DOCK8: variants seen among roughly 807,000 people sequenced by gnomAD.
The protein encoded by DOCK8 is dedicator of cytokinesis 8.
Under a neutral mutation model 245.6 loss-of-function variants are expected in DOCK8, and 141 were observed. That is an observed-to-expected ratio of 0.57 (90% CI 0.50 to 0.66). The LOEUF (loss-of-function observed/expected upper bound fraction) is 0.66, where lower values mean the gene tolerates loss of function less well. DOCK8 is among the 30% of genes least tolerant of loss of function. The pLI, the probability that DOCK8 is intolerant of heterozygous loss-of-function variation, is 0.00. For missense variants in DOCK8, 2,965 were observed against 2,603.4 expected, an observed-to-expected ratio of 1.14 and a Z score of -3.02; for synonymous variants, 1,168 against 970.2, an observed-to-expected ratio of 1.20 and a Z score of -3.79.
At position 442,300 on chromosome 9, in the gene DOCK8, A is replaced by G. The variant is rs75484008; in HGVS notation, c.5490+291A>G. Among the ~76,000 whole-genome samples the G allele has an allele frequency of 7.9e-5, 12 of 152,358 alleles. No homozygotes were observed. In the East Asian group the frequency reaches 2.3e-3, roughly 29 times the overall value. On this transcript the variant is annotated intron_variant, in intron 42 of 47. Coordinates refer to ENST00000432829, the MANE Select transcript of DOCK8 (RefSeq NM_203447.4). Reference sequence around the variant, plus strand: ...GTCTGTGCAAAATTCAATCAAGGTCATGTGCTTTCTTATCACCCTTTCCAA... The same window carrying G: ...GTCTGTGCAAAATTCAATCAAGGTCGTGTGCTTTCTTATCACCCTTTCCAA...
chr9:287,635 A>G (rs1405800028), intron 3 of DOCK8, among the ~76,000 whole-genome samples: 1 of 152,218 alleles, frequency 6.6e-6, no homozygotes, highest in Admixed American at 6.5e-5. Flanking sequence ...GTCCTCACTC[A>G]CATAGGAGAA....
intron 18 of DOCK8, among the ~76,000 whole-genome samples, chr9:374,016 G>A (rs1383138233): frequency 6.6e-6 from 1 of 152,220 alleles, no homozygotes; most frequent in East Asian, 1.9e-4. Flanking sequence ...CTGTGTGAAT[G>A]TTGGTGAGTT....
intron 2 of DOCK8, among the ~76,000 whole-genome samples, chr9:283,343 C>G (rs984884865): frequency 6.6e-6 from 1 of 152,152 alleles, no homozygotes; most frequent in Non-Finnish European, 1.5e-5. Context: ...TGGAAAATTC[C>G]ACACCTGACC....
intron 14 of DOCK8, among the ~76,000 whole-genome samples, chr9:355,681 TTTC>T (rs1194086742): frequency 1.3e-5 from 2 of 152,192 alleles, no homozygotes; most frequent in Non-Finnish European, 2.9e-5. Flanking sequence ...TTCTCTGCAT[TTTC>T]TTATTTTCAA....
At chr9:314,116 A>G (rs772524988) in intron 6 of DOCK8, among the ~76,000 whole-genome samples, 10 of 152,398 alleles carry the variant, frequency 6.6e-5, no homozygotes, top group South Asian at 2.1e-4. Flanking sequence ...TTATGTATCT[A>G]CATACATATG....
At chr9:370,923 A>G (rs2053259116) in intron 16 of DOCK8, among the ~76,000 whole-genome samples, 1 of 152,240 alleles carries the variant, frequency 6.6e-6, no homozygotes, top group African/African-American at 2.4e-5. Context: ...TGTACATTAC[A>G]TACCTACATT....
At chr9:453,572 G>A (rs935957764) in intron 46 of DOCK8, among the ~76,000 whole-genome samples, 3 of 152,076 alleles carry the variant, frequency 2.0e-5, no homozygotes, top group South Asian at 2.1e-4. Flanking sequence ...GACTACAGAC[G>A]TGTGCCACCA....
intron 43 of DOCK8, among the ~76,000 whole-genome samples, chr9:444,902 G>A (rs572246001): frequency 2.4e-4 from 36 of 152,316 alleles, no homozygotes; most frequent in African/African-American, 8.2e-4. Context: ...GCAAGTGCAA[G>A]GTATCATTAA....
At chr9:388,306 G>A (rs970305660) in intron 23 of DOCK8, among the ~76,000 whole-genome samples, 3 of 152,076 alleles carry the variant, frequency 2.0e-5, no homozygotes, top group East Asian at 1.9e-4. Context: ...ATGTGTTAAC[G>A]CATATTAAAA....
chr9:217,054 A>T (rs1440083243), intron 1 of DOCK8, among the ~76,000 whole-genome samples: 4 of 152,168 alleles, frequency 2.6e-5, no homozygotes, highest in Admixed American at 2.6e-4. Flanking sequence ...TTAAATGAAT[A>T]ATAGGTACAA....
chr9:219,318 A>G (rs1187893801), intron 1 of DOCK8, among the ~76,000 whole-genome samples: 1 of 152,108 alleles, frequency 6.6e-6, no homozygotes, highest in Admixed American at 6.5e-5. Flanking sequence ...AAAAAATACA[A>G]AAATTAGCCA....
At chr9:263,212 GA>G (rs34966635) in intron 1 of DOCK8, among the ~76,000 whole-genome samples, 1,626 of 145,118 alleles carry the variant, frequency 0.011, 11 homozygotes, top group Middle Eastern at 0.046. Flanking sequence ...ATCTCAAAAG[GA>G]AAAAAAAAAA....
chr9:268,483 C>A (rs1350396213), intron 1 of DOCK8, among the ~76,000 whole-genome samples: 1 of 152,194 alleles, frequency 6.6e-6, no homozygotes, highest in Non-Finnish European at 1.5e-5. Flanking sequence ...CATAGGACAA[C>A]AGATCTTGCT....
At chr9:227,892 CA>C (rs1421232032) in intron 1 of DOCK8, among the ~76,000 whole-genome samples, 9 of 152,180 alleles carry the variant, frequency 5.9e-5, no homozygotes, top group Admixed American at 4.6e-4. Context: ...CAACACATGG[CA>C]GACCGTTGTA....
intron 46 of DOCK8, chr9:460,211 A>G (rs983361462): frequency 6.6e-6 from 1 of 152,212 alleles, no homozygotes; most frequent in Non-Finnish European, 1.5e-5. Context: ...GCTTGTTTCA[A>G]CCGCAGTTGT....
chr9:227,615 C>T (rs519184), intron 1 of DOCK8, among the ~76,000 whole-genome samples: 2 of 151,944 alleles, frequency 1.3e-5, no homozygotes, highest in Non-Finnish European at 2.9e-5. Context: ...CTCACCATAA[C>T]CTAGCCCACC....
At chr9:402,016 A>G (rs1333830144) in intron 26 of DOCK8, among the ~76,000 whole-genome samples, 1 of 152,146 alleles carries the variant, frequency 6.6e-6, no homozygotes, top group African/African-American at 2.4e-5. Flanking sequence ...CCTCTTCAGT[A>G]TTTAGGATTC....
rs774659250 is a variant in DOCK8, at chr9:404,950, C to G, written c.3267C>G (p.Leu1089=). ...LSAKLSNLPT[L]ISMRLEFLRI... ...CCAAGCTCAGTAACCTTCCAACGCT[C>G]ATTTCCATGAGGCTAGAGTTCCTGA... is the stretch of plus-strand genomic sequence containing the variant. The change falls in exon 27 of 48, where the codon CTC becomes CTG. Residue 1089 remains leucine, a synonymous_variant. Coordinates refer to ENST00000432829, the MANE Select transcript of DOCK8 (RefSeq NM_203447.4). The G allele has an allele frequency of 6.2e-6, 10 of 1,614,078 alleles. No individual in the cohort carries two copies. The highest frequency in any genetic ancestry group is 2.2e-5 in the East Asian group (1 of 44,874).
chr9:290,962 A>G (rs1196578892), intron 4 of DOCK8, among the ~76,000 whole-genome samples: 1 of 152,230 alleles, frequency 6.6e-6, no homozygotes, highest in Non-Finnish European at 1.5e-5. Flanking sequence ...ATTAAAAGTT[A>G]TTAAGAGAAA....
Sources: allele counts gnomAD v4.1 joint callset (sites outside exome capture counted in the v4.1 genomes callset), GRCh38; gene constraint gnomAD v4.1.1; transcripts MANE v1.5; gene names NCBI Gene and HGNC (gene_info 2026-07-23, HGNC 2026-07-21).